NOS1AP: variants seen among roughly 807,000 people sequenced by gnomAD.
NOS1AP encodes carboxyl-terminal PDZ ligand of neuronal nitric oxide synthase protein.
In NOS1AP, 21 loss-of-function variants were observed where a neutral mutation model predicts 56.2. The ratio of observed to expected loss-of-function variants is 0.37; its 90% confidence interval spans 0.26 to 0.54. The LOEUF (loss-of-function observed/expected upper bound fraction) is 0.54. Ranked by LOEUF, NOS1AP falls within the 20% of genes least tolerant of loss-of-function variation. The probability of loss-of-function intolerance (pLI) is 0.84; values close to 1 mark genes in which losing one functional copy is unlikely to be tolerated. For missense variants in NOS1AP, 522 were observed against 657.8 expected, an observed-to-expected ratio of 0.79 and a Z score of 2.26; for synonymous variants, 270 against 274.6, an observed-to-expected ratio of 0.98 and a Z score of 0.17.
At chr1:162,330,074 C>A (rs1004070942) in intron 4 of NOS1AP, among the ~76,000 whole-genome samples, 9 of 152,162 alleles carry the variant, frequency 5.9e-5, no homozygotes, top group African/African-American at 2.2e-4. Flanking sequence ...TGTGGGCATG[C>A]CAGTTTGCAT....
intron 1 of NOS1AP, among the ~76,000 whole-genome samples, chr1:162,113,478 G>A (rs927672261): frequency 2.6e-5 from 4 of 152,156 alleles, no homozygotes; most frequent in South Asian, 2.1e-4. Flanking sequence ...AGTTTATAAA[G>A]AAAAGAGGTT....
chr1:162,094,846 G>T (rs2102025867), intron 1 of NOS1AP, among the ~76,000 whole-genome samples: 1 of 152,248 alleles, frequency 6.6e-6, no homozygotes, highest in East Asian at 1.9e-4. Context: ...AGGTATCGCT[G>T]TCCATTCCAG....
At chr1:162,363,770 C>T (rs1657977804) in intron 8 of NOS1AP, 5 of 984,334 alleles carry the variant, frequency 5.1e-6, no homozygotes. Context: ...CACTGTATCA[C>T]ACCTGTTCTC....
chr1:162,358,089 T>G (rs1657760526), intron 8 of NOS1AP, among the ~76,000 whole-genome samples: 1 of 152,222 alleles, frequency 6.6e-6, no homozygotes. Flanking sequence ...ATTCTAAATC[T>G]GCTTGACCAG....
intron 1 of NOS1AP, among the ~76,000 whole-genome samples, chr1:162,083,768 G>C (rs938935085): frequency 6.6e-6 from 1 of 152,176 alleles, no homozygotes; most frequent in African/African-American, 2.4e-5. Flanking sequence ...AGTCTTTGGA[G>C]TAATCAGAAT....
chr1:162,286,303 GAGA>G (rs769198059), intron 2 of NOS1AP, among the ~76,000 whole-genome samples: 2 of 152,220 alleles, frequency 1.3e-5, no homozygotes, highest in Non-Finnish European at 2.9e-5. Flanking sequence ...AACATGGTAG[GAGA>G]AGGTCTTGAG....
At chr1:162,255,086 G>A (rs1571164743) in intron 2 of NOS1AP, among the ~76,000 whole-genome samples, 1 of 152,310 alleles carries the variant, frequency 6.6e-6, no homozygotes, top group South Asian at 2.1e-4. Context: ...GCTTGAATGT[G>A]CTCATCAGTT....
chr1:162,363,226 C>T (rs1657959299), intron 8 of NOS1AP: 1 of 152,636 alleles, frequency 6.6e-6, no homozygotes, highest in Non-Finnish European at 1.5e-5. Flanking sequence ...CCACTACCCT[C>T]TCCTTGGACT....
chr1:162,114,676 C>A (rs375935323), intron 1 of NOS1AP, among the ~76,000 whole-genome samples: 1 of 152,208 alleles, frequency 6.6e-6, no homozygotes, highest in Non-Finnish European at 1.5e-5. Context: ...GCCCCTCTTT[C>A]AACAACCTTC....
At chr1:162,145,495 C>T (rs761341769) in intron 1 of NOS1AP, among the ~76,000 whole-genome samples, 1 of 152,244 alleles carries the variant, frequency 6.6e-6, no homozygotes, top group South Asian at 2.1e-4. Context: ...GTGTGTGCCC[C>T]GGAATCTGGG....
chr1:162,130,598 T>G (rs1473397291), intron 1 of NOS1AP, among the ~76,000 whole-genome samples: 1 of 152,192 alleles, frequency 6.6e-6, no homozygotes, highest in Non-Finnish European at 1.5e-5. Flanking sequence ...CTGCTGAGGT[T>G]CCCATCAGAG....
intron 2 of NOS1AP, among the ~76,000 whole-genome samples, chr1:162,156,803 GTTA>G (rs1209031271): frequency 6.6e-6 from 1 of 152,086 alleles, no homozygotes; most frequent in African/African-American, 2.4e-5. Context: ...AGATGAGGAT[GTTA>G]TTATTACATT....
intron 4 of NOS1AP, among the ~76,000 whole-genome samples, chr1:162,319,803 G>T (rs975526247): frequency 2.1e-5 from 3 of 144,952 alleles, no homozygotes; most frequent in African/African-American, 7.3e-5. Flanking sequence ...GGTGCTGAGG[G>T]CTCCCAGGGA....
intron 4 of NOS1AP, among the ~76,000 whole-genome samples, chr1:162,329,706 G>T (rs1656706047): frequency 6.6e-6 from 1 of 152,140 alleles, no homozygotes; most frequent in South Asian, 2.1e-4. Flanking sequence ...TTCTTGGAAT[G>T]TATTTCTTGA....
At chr1:162,278,358 A>G (rs950888099) in intron 2 of NOS1AP, among the ~76,000 whole-genome samples, 1 of 152,180 alleles carries the variant, frequency 6.6e-6, no homozygotes, top group Non-Finnish European at 1.5e-5. Flanking sequence ...CGTAGCTAAG[A>G]ATGTGAATAC....
At chr1:162,246,183 T>G (rs2101686527) in intron 2 of NOS1AP, among the ~76,000 whole-genome samples, 1 of 152,350 alleles carries the variant, frequency 6.6e-6, no homozygotes, top group African/African-American at 2.4e-5. Context: ...TGAGACTTGT[T>G]GTAGAATCCA....
intron 2 of NOS1AP, among the ~76,000 whole-genome samples, chr1:162,223,423 G>A (rs957224899): frequency 1.3e-5 from 2 of 152,178 alleles, no homozygotes; most frequent in Admixed American, 6.5e-5. Flanking sequence ...CAAAAAGTGT[G>A]TAGGGGTGGG....
intron 7 of NOS1AP, among the ~76,000 whole-genome samples, chr1:162,356,272 T>G (rs997787335): frequency 6.6e-6 from 1 of 152,170 alleles, no homozygotes; most frequent in South Asian, 2.1e-4. Flanking sequence ...CTATGAATCG[T>G]AGAAGCCATC....
intron 1 of NOS1AP, among the ~76,000 whole-genome samples, chr1:162,105,274 C>T (rs1026712746): frequency 1.3e-5 from 2 of 152,224 alleles, no homozygotes; most frequent in African/African-American, 4.8e-5. Flanking sequence ...GCTGCTCCTT[C>T]CTCTGGAAGC....
Sources: allele counts gnomAD v4.1 joint callset (sites outside exome capture counted in the v4.1 genomes callset), GRCh38; gene constraint gnomAD v4.1.1; transcripts MANE v1.5; gene names NCBI Gene and HGNC (gene_info 2026-07-23, HGNC 2026-07-21).